Variants in QTMAN observed in about 807,000 individuals in gnomAD.
QTMAN encodes the protein queuosine-tRNA mannosyltransferase.
At chr2:144,185,019 G>A in the QTMAN span, among the ~76,000 whole-genome samples, 1 of 151,998 alleles carries the variant, frequency 6.6e-6, no homozygotes, top group Non-Finnish European at 1.5e-5. Flanking sequence ...CATCTTTCCT[G>A]ACCACTTCTT....
At chr2:144,111,059 C>G in the QTMAN span, among the ~76,000 whole-genome samples, 1 of 152,252 alleles carries the variant, frequency 6.6e-6, no homozygotes, top group South Asian at 2.1e-4. Context: ...CAGCCAAGAG[C>G]AGTTTCTTCA....
chr2:144,036,773 C>T, the QTMAN span, among the ~76,000 whole-genome samples: 2 of 152,104 alleles, frequency 1.3e-5, no homozygotes, highest in African/African-American at 4.8e-5. Context: ...CCTGTTGCAA[C>T]TTTAAGTGTC....
chr2:144,214,089 T>G, the QTMAN span, among the ~76,000 whole-genome samples: 1 of 152,238 alleles, frequency 6.6e-6, no homozygotes, highest in South Asian at 2.1e-4. Context: ...AAAATAAGCA[T>G]GAAAAGATCT....
At chr2:144,254,538 G>A in the QTMAN span, among the ~76,000 whole-genome samples, 1 of 152,190 alleles carries the variant, frequency 6.6e-6, no homozygotes, top group Non-Finnish European at 1.5e-5. Context: ...TGCAGGGGTG[G>A]AGCACTCATG....
At chr2:144,137,960 C>T in the QTMAN span, among the ~76,000 whole-genome samples, 1 of 152,068 alleles carries the variant, frequency 6.6e-6, no homozygotes, top group African/African-American at 2.4e-5. Context: ...GAACTCTCTC[C>T]CCTTTGTTCC....
chr2:144,049,399 T>C, the QTMAN span, among the ~76,000 whole-genome samples: 10 of 152,244 alleles, frequency 6.6e-5, no homozygotes, highest in Non-Finnish European at 1.2e-4. Flanking sequence ...AAAACTGAAG[T>C]TACTGATACG....
chr2:144,261,218 T>C, the QTMAN span, among the ~76,000 whole-genome samples: 3 of 152,188 alleles, frequency 2.0e-5, no homozygotes, highest in Non-Finnish European at 4.4e-5. Context: ...TTCTAATTCC[T>C]CATCTCATAA....
chr2:144,261,377 C>G, the QTMAN span, among the ~76,000 whole-genome samples: 2 of 151,944 alleles, frequency 1.3e-5, no homozygotes, highest in African/African-American at 4.8e-5. Flanking sequence ...CCAGCAAAAC[C>G]TAAAAAGATT....
chr2:144,136,603 C>T, the QTMAN span, among the ~76,000 whole-genome samples: 2 of 151,960 alleles, frequency 1.3e-5, no homozygotes, highest in Non-Finnish European at 2.9e-5. Flanking sequence ...CTAGGCCTTG[C>T]CTTTATGACA....
the QTMAN span, among the ~76,000 whole-genome samples, chr2:144,046,776 A>G: frequency 6.6e-6 from 1 of 152,290 alleles, no homozygotes; most frequent in South Asian, 2.1e-4. Context: ...AAAATATTCT[A>G]TGATCTCACA....
At chr2:144,204,104 A>C in the QTMAN span, among the ~76,000 whole-genome samples, 1 of 152,336 alleles carries the variant, frequency 6.6e-6, no homozygotes, top group Non-Finnish European at 1.5e-5. Context: ...TTCATGTCTA[A>C]AACACCAAAA....
the QTMAN span, among the ~76,000 whole-genome samples, chr2:144,223,083 AAAC>A: frequency 6.6e-6 from 1 of 152,200 alleles, no homozygotes; most frequent in East Asian, 1.9e-4. Context: ...TTTACAATCT[AAAC>A]AACATGTTTC....
the QTMAN span, among the ~76,000 whole-genome samples, chr2:143,999,469 G>A: frequency 6.6e-6 from 1 of 151,998 alleles, no homozygotes; most frequent in South Asian, 2.1e-4. Context: ...GAGAAGTTAG[G>A]TCTACTAGGA....
the QTMAN span, among the ~76,000 whole-genome samples, chr2:144,175,504 CACT>C: frequency 1.3e-5 from 2 of 152,112 alleles, no homozygotes; most frequent in Admixed American, 6.5e-5. Context: ...CCATCACCAC[CACT>C]ATCCCTACCC....
the QTMAN span, among the ~76,000 whole-genome samples, chr2:144,190,922 C>T: frequency 6.6e-6 from 1 of 152,216 alleles, no homozygotes; most frequent in African/African-American, 2.4e-5. Flanking sequence ...CATTATAAAA[C>T]CACTATGTTC....
At chr2:144,230,137 G>A in the QTMAN span, 581 of 152,082 alleles carry the variant, frequency 3.8e-3, 2 homozygotes, top group African/African-American at 0.013. Context: ...TATGAAGTCC[G>A]TTTTCTCAGG....
chr2:144,309,314 G>C, the QTMAN span, among the ~76,000 whole-genome samples: 1 of 152,198 alleles, frequency 6.6e-6, no homozygotes, highest in African/African-American at 2.4e-5. Context: ...CTCGCACCTT[G>C]AATGCTCATG....
the QTMAN span, among the ~76,000 whole-genome samples, chr2:144,057,886 A>G: frequency 2.6e-5 from 4 of 152,122 alleles, no homozygotes; most frequent in East Asian, 7.7e-4. Flanking sequence ...CTTATGTTGC[A>G]CAGGCTGGCC....
chr2:144,303,012 G>C, the QTMAN span, among the ~76,000 whole-genome samples: 1 of 152,168 alleles, frequency 6.6e-6, no homozygotes, highest in Non-Finnish European at 1.5e-5. Flanking sequence ...TGAGGAAGGA[G>C]AATTGCTTGA....
Sources: allele counts gnomAD v4.1 joint callset (sites outside exome capture counted in the v4.1 genomes callset), GRCh38; gene constraint gnomAD v4.1.1; transcripts MANE v1.5; gene names NCBI Gene and HGNC (gene_info 2026-07-23, HGNC 2026-07-21).